The following GC variants were observed in gnomAD, a reference collection of about 807,000 sequenced individuals.
The protein encoded by GC is GC vitamin D binding protein.
GC carries 43 observed loss-of-function variants against 56.7 expected under a neutral mutation model. The ratio of observed to expected loss-of-function variants is 0.76; its 90% CI spans 0.59 to 0.98. GC has a LOEUF of 0.98. Among genes scored for constraint, GC ranks in the 50% least tolerant of loss-of-function variants. GC has a pLI of 0.00. For missense variants in GC, 529 were observed against 545.9 expected (o/e 0.97, Z 0.31); for synonymous variants, 216 against 202.7 (o/e 1.07, Z -0.56).
chr4:71,789,975 A>G (rs188246974), intron 1 of GC, among the ~76,000 whole-genome samples: 1 of 152,116 alleles, frequency 6.6e-6, no homozygotes, highest in East Asian at 1.9e-4. Flanking sequence ...AAAATCTCCA[A>G]TTCCCATTGA....
chr4:71,758,521 C>T (rs1342966084), intron 6 of GC, among the ~76,000 whole-genome samples: 1 of 152,170 alleles, frequency 6.6e-6, no homozygotes, highest in Non-Finnish European at 1.5e-5. Context: ...TTTGTGGCCT[C>T]TCACAGAGTT....
intron 1 of GC, among the ~76,000 whole-genome samples, chr4:71,803,518 C>A (rs1445759807): frequency 6.6e-6 from 1 of 151,986 alleles, no homozygotes; most frequent in East Asian, 1.9e-4. Context: ...TATGATGATG[C>A]ACTCAGAGAA....
chr4:71,790,119 C>T (rs1024150985), intron 1 of GC, among the ~76,000 whole-genome samples: 1 of 151,902 alleles, frequency 6.6e-6, no homozygotes, highest in Non-Finnish European at 1.5e-5. Context: ...GTCAGTATGT[C>T]CTTCTTTATC....
At position 71,790,592 on chromosome 4, in the gene GC, CTT is replaced by C. The variant is rs1212135426; in HGVS notation, c.22-6540_22-6539del. On this transcript the variant is annotated intron_variant, in intron 1 of 13. Transcript: ENST00000504199. ...TCCTTTTTTTGTTCATTTTCTGACTCTTTTGTCTCAGTTGAATATTTTATTGT... is the reference window on the plus strand; with the variant it reads ...TCCTTTTTTTGTTCATTTTCTGACTCTTGTCTCAGTTGAATATTTTATTGT... 4.6e-5 allele frequency among the ~76,000 whole-genome samples: 7 copies of C among 151,214 alleles called. No homozygotes were observed. In the South Asian group the frequency reaches 8.3e-4, roughly 18 times the overall value.
At position 71,763,447 on chromosome 4, in the gene GC, G is replaced by T; in HGVS notation, c.662C>A (p.Ser221Ter). ...LLTTLSNRVCSQYAAYGEKKS... is the reference protein window; with the variant it reads ...LLTTLSNRVC ...CTTCTCCCCATAAGCAGCATATTGT[G>T]AGCAGACTCTATTTGACAGAGTGGT... Residue 221 changes from serine (S) to a stop codon, truncating the protein, a stop_gained, in exon 6 of 13, where the codon TCA (serine) becomes TAA (stop). Coordinates refer to ENST00000273951, the MANE Select transcript of GC (RefSeq NM_000583.4). LOFTEE classifies it high-confidence loss of function. 6.2e-7 allele frequency: 1 copy of T among 1,606,708 alleles called. No homozygotes were observed. The highest frequency in any genetic ancestry group is 8.5e-7 in the Non-Finnish European group (1 of 1,173,698).
rs1742443270 is a variant in GC, at chr4:71,774,489, T to C, written c.59-5089A>G. Reference sequence around the variant, plus strand: ...GTTACCTCCTCATCTGTAATTGCTTTTGTAGGGGTAAAGATAGAGGGGGAG... The same window carrying C: ...GTTACCTCCTCATCTGTAATTGCTTCTGTAGGGGTAAAGATAGAGGGGGAG... On this transcript the variant is annotated intron_variant, in intron 1 of 12. Transcript: ENST00000273951. Among the ~76,000 whole-genome samples the C allele has an allele frequency of 3.6e-5, 5 of 139,338 alleles. No individual in the cohort carries two copies. The Admixed American group carries it at 3.9e-4, about 11-fold the overall frequency. 91.4% of individuals were successfully genotyped at this position (139,338 alleles called of 152,430 possible).
At chr4:71,776,189 G>T in intron 1 of GC, among the ~76,000 whole-genome samples, 1 of 151,804 alleles carries the variant, frequency 6.6e-6, no homozygotes, top group East Asian at 1.9e-4. Flanking sequence ...AGGTTGAAGG[G>T]ATGTCTGCCC....
chr4:71,793,920 G>T (rs913558101), intron 1 of GC, among the ~76,000 whole-genome samples: 1 of 152,110 alleles, frequency 6.6e-6, no homozygotes, highest in Non-Finnish European at 1.5e-5. Flanking sequence ...TAATCATGTG[G>T]TCTTTGTTGT....
chr4:71,797,150 C>T (rs1162679465), intron 1 of GC, among the ~76,000 whole-genome samples: 1 of 152,248 alleles, frequency 6.6e-6, no homozygotes, highest in Non-Finnish European at 1.5e-5. Context: ...GTCAGGGACC[C>T]ACTTGAGGAG....
intron 1 of GC, 73 bp downstream of exon 1, chr4:71,783,888 C>T: frequency 8.7e-7 from 1 of 1,151,492 alleles, no homozygotes. Flanking sequence ...CTTTTTATTT[C>T]ATTTTTTAAG....
chr4:71,780,204 T>C lies in GC; in HGVS notation c.58+3757A>G, dbSNP rs904817176. 2.3e-4 allele frequency among the ~76,000 whole-genome samples: 35 copies of C among 151,984 alleles called. 2 individuals carry two copies. Among genetic ancestry groups the C allele is most frequent in the African/African-American group, 6.5e-4 (27 of 41,514 alleles). On this transcript the variant is annotated intron_variant, in intron 1 of 12. Transcript: ENST00000273951. ...ATATGTAGAAAGCTGAAACTGGATCTCTTCCTTACACCTTATACAAAAATT... is the reference window on the plus strand; with the variant it reads ...ATATGTAGAAAGCTGAAACTGGATCCCTTCCTTACACCTTATACAAAAATT...
chr4:71,797,869 T>C (rs1743146337), intron 1 of GC, among the ~76,000 whole-genome samples: 1 of 152,240 alleles, frequency 6.6e-6, no homozygotes, highest in Non-Finnish European at 1.5e-5. Context: ...CATAAGTCAA[T>C]GGTTTTTTAA....
chr4:71,781,176 G>A (rs1303539883), intron 1 of GC, among the ~76,000 whole-genome samples: 5 of 151,816 alleles, frequency 3.3e-5, no homozygotes, highest in Admixed American at 2.0e-4. Context: ...ATAGTTGGGA[G>A]TTGAACAATG....
upstream of GC, among the ~76,000 whole-genome samples, chr4:71,786,213 G>A (rs147988871): frequency 5.4e-3 from 825 of 151,836 alleles, 3 homozygotes; most frequent in Middle Eastern, 0.014. Flanking sequence ...CTGAAATTCG[G>A]CAAAACAGGC....
intron 3 of GC, 70 bp downstream of exon 3, chr4:71,768,231 C>G (rs898368992): frequency 7.5e-7 from 1 of 1,334,510 alleles, no homozygotes; most frequent in Non-Finnish European, 1.0e-6. Flanking sequence ...TTTTTCAACA[C>G]GTGGTATAAA....
chr4:71,775,426 G>A (rs1281397050), intron 1 of GC, among the ~76,000 whole-genome samples: 4 of 151,904 alleles, frequency 2.6e-5, no homozygotes, highest in Non-Finnish European at 5.9e-5. Context: ...GATATAAACA[G>A]TAAGTGGTGG....
At chr4:71,796,166 C>A (rs1333554414) in intron 1 of GC, among the ~76,000 whole-genome samples, 4 of 152,138 alleles carry the variant, frequency 2.6e-5, no homozygotes, top group Admixed American at 1.3e-4. Flanking sequence ...TGAGGAGTAT[C>A]TTTGCAGTGT....
At chr4:71,783,511 A>C (rs1742751463) in intron 1 of GC, among the ~76,000 whole-genome samples, 1 of 151,810 alleles carries the variant, frequency 6.6e-6, no homozygotes, top group Non-Finnish European at 1.5e-5. Flanking sequence ...GATTCCTCTA[A>C]GGGGATCAAA....
At chr4:71,798,890 T>C (rs1370844499) in intron 1 of GC, among the ~76,000 whole-genome samples, 1 of 152,232 alleles carries the variant, frequency 6.6e-6, no homozygotes, top group African/African-American at 2.4e-5. Context: ...GCAAGTCTCA[T>C]ATATCCTTTT....
Sources: gnomAD v4.1 joint callset for allele counts (sites outside exome capture counted in the v4.1 genomes callset) on GRCh38, gnomAD v4.1.1 for gene constraint, MANE v1.5 for transcripts, NCBI Gene and HGNC (gene_info 2026-07-23, HGNC 2026-07-21) for gene names.